Variants in FAM107A observed in about 807,000 individuals in gnomAD.
The protein encoded by FAM107A is actin-associated protein FAM107A.
A neutral mutation model predicts 13.7 loss-of-function variants in FAM107A; 19 were observed. The observed-to-expected ratio is 1.38, with a 90% confidence interval of 0.97 to 2.03. The LOEUF is 2.03. FAM107A is among the 30% of genes most tolerant of loss of function. FAM107A has a pLI of 0.00. For synonymous variants in FAM107A, 82 were observed against 74.5 expected (o/e 1.10, Z -0.52); for missense variants, 203 against 184.4 (o/e 1.10, Z -0.58).
At chr3:58,579,437 A>G (rs2065502594), upstream of FAM107A, among the ~76,000 whole-genome samples, 1 of 152,042 alleles carries the variant, frequency 6.6e-6, no homozygotes, top group Non-Finnish European at 1.5e-5. Flanking sequence ...CTTCTTCCCC[A>G]ATTCTGCATT....
rs1181102143 is a variant in FAM107A at position 58,604,510 on chromosome 3, T to C, written c.-69-15241A>G. Among the ~76,000 whole-genome samples the C allele has an allele frequency of 1.3e-5, 2 of 152,146 alleles. No homozygotes were observed. The highest frequency in any genetic ancestry group is 6.5e-5 in the Admixed American group (1 of 15,278). On this transcript the variant is annotated intron_variant, in intron 1 of 3. Transcript: ENST00000465970. The surrounding 1 kb of genome is among the most constrained non-coding windows in gnomAD (Gnocchi z 4.1). ...CTGAGGGACTCGCACAGTGAGTTAG[T>C]GGCAGGGTCATAACTTGTTTCTCTC...
At chr3:58,623,338 A>T (rs1466121076) in intron 1 of FAM107A, among the ~76,000 whole-genome samples, 2 of 152,164 alleles carry the variant, frequency 1.3e-5, no homozygotes, top group African/African-American at 4.8e-5. Context: ...GCCACAAAAA[A>T]CCTGGGTGGT....
At chr3:58,618,157 G>T (rs57751592) in intron 1 of FAM107A, among the ~76,000 whole-genome samples, 1 of 152,220 alleles carries the variant, frequency 6.6e-6, no homozygotes, top group Non-Finnish European at 1.5e-5. Context: ...AGGCTCAAGG[G>T]GGGTAGGCCC....
intron 1 of FAM107A, among the ~76,000 whole-genome samples, 176 bp from the exon 2 acceptor site, chr3:58,570,041 G>T (rs1001558393): frequency 7.2e-5 from 11 of 152,200 alleles, no homozygotes; most frequent in Non-Finnish European, 1.6e-4. Flanking sequence ...TTATAAAATG[G>T]AAATCATAAC....
In FAM107A at chr3:58,604,557, A is replaced by C. The variant is rs4511910; in HGVS notation, c.-69-15288T>G. On this transcript the variant is annotated intron_variant, in intron 1 of 3. Transcript: ENST00000465970. This position sits in a 1 kb window ranked among gnomAD's most constrained non-coding sequence, Gnocchi z 4.1. ...TCTCATTGTTGCACGTGACAGCCTC[A>C]CCCACTCCCTGGGCCCCATAAGATC... Among the ~76,000 whole-genome samples, 65,286 of 151,908 alleles carry C rather than the reference A, an allele frequency of 0.43. 15,024 individuals carry two copies. Among genetic ancestry groups the C allele is most frequent in the East Asian group, 0.62 (3,189 of 5,154 alleles).
At chr3:58,579,417 C>A (rs1279668104), upstream of FAM107A, among the ~76,000 whole-genome samples, 2 of 152,032 alleles carry the variant, frequency 1.3e-5, no homozygotes, top group East Asian at 1.9e-4. Context: ...AATGTGTGGT[C>A]CCTTTTTTTC....
intron 1 of FAM107A, among the ~76,000 whole-genome samples, chr3:58,593,980 A>G (rs1230893764): frequency 8.0e-6 from 1 of 125,614 alleles, no homozygotes; most frequent in South Asian, 2.4e-4. Context: ...CCTCCCCCCC[A>G]CCATATTTGG....
At chr3:58,593,779 G>C (rs1344308462) in intron 1 of FAM107A, among the ~76,000 whole-genome samples, 1 of 151,968 alleles carries the variant, frequency 6.6e-6, no homozygotes, top group Non-Finnish European at 1.5e-5. Context: ...CGCCCTACAG[G>C]TTGACTGGAC....
At chr3:58,581,948 G>C (rs2065550823), upstream of FAM107A, among the ~76,000 whole-genome samples, 1 of 152,192 alleles carries the variant, frequency 6.6e-6, no homozygotes, top group South Asian at 2.1e-4. Flanking sequence ...CAGACAAGAA[G>C]CACAGTGAGT....
intron 1 of FAM107A, among the ~76,000 whole-genome samples, chr3:58,616,477 C>T (rs369202542): frequency 8.6e-5 from 13 of 151,328 alleles, no homozygotes; most frequent in African/African-American, 2.7e-4. Flanking sequence ...AAGATGAGGT[C>T]ATTAGGGTAG....
At chr3:58,567,153 C>T in intron 3 of FAM107A, 55 bp downstream of exon 3, 9 of 1,606,548 alleles carry the variant, frequency 5.6e-6, no homozygotes, top group Non-Finnish European at 6.8e-6. Flanking sequence ...CAGAGCTCCT[C>T]CCTGGAGGAC....
intron 1 of FAM107A, among the ~76,000 whole-genome samples, chr3:58,609,608 G>T (rs2065833789): frequency 6.6e-6 from 1 of 152,190 alleles, no homozygotes; most frequent in Admixed American, 6.5e-5. Flanking sequence ...TAGGCCCTAG[G>T]GTGGCATGGA....
At chr3:58,627,053 G>C in intron 1 of FAM107A, 1 of 1,513,252 alleles carries the variant, frequency 6.6e-7, no homozygotes, top group Non-Finnish European at 8.9e-7. Context: ...GGTCCTCCCT[G>C]CTGGCGTTGA....
rs1180012094 is a variant in FAM107A, at chr3:58,613,751, C to G, written c.-70+13665G>C. 1.3e-5 allele frequency among the ~76,000 whole-genome samples: 2 copies of G among 152,306 alleles called. No individual in the cohort carries two copies. The highest frequency in any genetic ancestry group is 3.9e-4 in the East Asian group (2 of 5,180). On this transcript the variant is annotated intron_variant, in intron 1 of 3. Coordinates refer to the FAM107A transcript ENST00000465970. The surrounding 1 kb of genome is among the most constrained non-coding windows in gnomAD (Gnocchi z 4.6). ...GAGGTGAGTCTTGGGGAGGCTCAAC[C>G]CTCCCAAGTGCTCAGCTTACCACAG... is the stretch of plus-strand genomic sequence containing the variant.
At chr3:58,619,882 G>A (rs1375619731) in intron 1 of FAM107A, among the ~76,000 whole-genome samples, 3 of 152,164 alleles carry the variant, frequency 2.0e-5, no homozygotes, top group Non-Finnish European at 4.4e-5. Context: ...GTGGGGAGGT[G>A]GAGGCAGGGT....
At chr3:58,618,643 C>G (rs1023873538) in intron 1 of FAM107A, among the ~76,000 whole-genome samples, 1 of 152,260 alleles carries the variant, frequency 6.6e-6, no homozygotes, top group African/African-American at 2.4e-5. Context: ...ATTTCCTTCT[C>G]TCTACTGCCT....
intron 1 of FAM107A, among the ~76,000 whole-genome samples, chr3:58,585,511 G>A (rs1181158400): frequency 6.6e-6 from 1 of 152,254 alleles, no homozygotes; most frequent in Non-Finnish European, 1.5e-5. Context: ...GGAAGGGCGA[G>A]CAGTTCCAGA....
chr3:58,568,477 AT>A (rs903365625), intron 2 of FAM107A, among the ~76,000 whole-genome samples: 20 of 151,646 alleles, frequency 1.3e-4, no homozygotes, highest in African/African-American at 4.6e-4. Context: ...AGAGATCTGA[AT>A]TTTTTTTTGT....
intron 1 of FAM107A, among the ~76,000 whole-genome samples, chr3:58,618,653 T>C (rs1404149473): frequency 6.6e-6 from 1 of 152,248 alleles, no homozygotes; most frequent in Admixed American, 6.5e-5. Flanking sequence ...CTCTACTGCC[T>C]TGGAAATGAG....
Sources: gnomAD v4.1 joint callset for allele counts (sites outside exome capture counted in the v4.1 genomes callset) on GRCh38, gnomAD v4.1.1 for gene constraint, Gnocchi (gnomAD v3.1) non-coding constraint, MANE v1.5 for transcripts, NCBI Gene and HGNC (gene_info 2026-07-23, HGNC 2026-07-21) for gene names.